GPLD1: variants seen among roughly 807,000 people sequenced by gnomAD.
GPLD1 encodes the protein glycosylphosphatidylinositol specific phospholipase D1, also known as phosphatidylinositol-glycan-specific phospholipase D.
Under a neutral mutation model 112.6 loss-of-function variants are expected in GPLD1, and 84 were observed. That is an observed-to-expected ratio of 0.75 (90% CI 0.63 to 0.89). The LOEUF is 0.89. Among genes scored for constraint, GPLD1 ranks in the 40% least tolerant of loss-of-function variants. The pLI is 0.00. For synonymous variants in GPLD1, 386 were observed against 403.8 expected (o/e 0.96, Z 0.53); for missense variants, 1,044 against 1,051.5 (o/e 0.99, Z 0.10).
At chr6:24,475,752 G>T (rs1462754074) in intron 4 of GPLD1, among the ~76,000 whole-genome samples, 1 of 151,394 alleles carries the variant, frequency 6.6e-6, no homozygotes, top group Non-Finnish European at 1.5e-5. Flanking sequence ...CAGTTACTTG[G>T]GAGGCTGAGG....
At chr6:24,468,458 G>A (rs143486823) in intron 7 of GPLD1, among the ~76,000 whole-genome samples, 772 of 152,282 alleles carry the variant, frequency 5.1e-3, no homozygotes, top group Middle Eastern at 0.02. Context: ...AATTCGGAAG[G>A]ATGTCTCATA....
At chr6:24,464,297 G>A (rs1240471170) in intron 10 of GPLD1, among the ~76,000 whole-genome samples, 1 of 152,134 alleles carries the variant, frequency 6.6e-6, no homozygotes, top group Non-Finnish European at 1.5e-5. Context: ...TAAGATTTTG[G>A]AAGGTTTAGC....
chr6:24,456,428 C>A (rs1763271277), intron 13 of GPLD1, 70 bp downstream of exon 13: 1 of 974,140 alleles, frequency 1.0e-6, no homozygotes, highest in South Asian at 1.6e-5. Flanking sequence ...AAATAAAAAA[C>A]AGTTGCAGAA....
At chr6:24,458,935 A>G (rs1763348263) in intron 12 of GPLD1, among the ~76,000 whole-genome samples, 1 of 152,210 alleles carries the variant, frequency 6.6e-6, no homozygotes, top group South Asian at 2.1e-4. Flanking sequence ...TTAAACCTAA[A>G]CTAGGCCCTT....
At chr6:24,477,000 G>C (rs1276942820) in intron 3 of GPLD1, among the ~76,000 whole-genome samples, 1 of 151,850 alleles carries the variant, frequency 6.6e-6, no homozygotes, top group Non-Finnish European at 1.5e-5. Flanking sequence ...AAAAATTGCC[G>C]AACCAGTTTT....
upstream of GPLD1, among the ~76,000 whole-genome samples, chr6:24,490,758 A>G (rs1227224481): frequency 6.6e-6 from 1 of 151,952 alleles, no homozygotes; most frequent in Non-Finnish European, 1.5e-5. Flanking sequence ...TCTCAAAAAA[A>G]AAAAAAGAAA....
chr6:24,445,129 G>A (rs889699997), intron 20 of GPLD1, among the ~76,000 whole-genome samples: 1 of 152,090 alleles, frequency 6.6e-6, no homozygotes, highest in Non-Finnish European at 1.5e-5. Context: ...CCAGATTCAA[G>A]CGATTCTCCT....
At chr6:24,494,834 G>A (rs1561865240) in intron 1 of GPLD1, 1 of 793,102 alleles carries the variant, frequency 1.3e-6, no homozygotes, top group Non-Finnish European at 1.7e-6. Context: ...AGAAAGACGC[G>A]GAGAGAGGGC....
rs571459012 is a variant in GPLD1, at chr6:24,447,565, G to A, written c.1678+312C>T. Among the ~76,000 whole-genome samples, 6 of 152,142 alleles carry A rather than the reference G, an allele frequency of 3.9e-5. No individual in the cohort carries two copies. The South Asian group carries it at 1.2e-3, about 32-fold the overall frequency. On this transcript the variant is annotated intron_variant, in intron 17 of 24. Coordinates refer to ENST00000230036, the MANE Select transcript of GPLD1 (RefSeq NM_001503.4). ...CAACAACAACAACAACAACAGCTAT[G>A]GACAGTCGAGAGCACCACTGAGATG...
At chr6:24,494,884 C>T in intron 1 of GPLD1, 1 of 1,167,230 alleles carries the variant, frequency 8.6e-7, no homozygotes, top group Non-Finnish European at 1.1e-6. Context: ...AGCTCCCACG[C>T]TTTCCCCGCG....
chr6:24,478,869 A>C (rs891687437), intron 3 of GPLD1, among the ~76,000 whole-genome samples: 5 of 151,994 alleles, frequency 3.3e-5, no homozygotes, highest in African/African-American at 7.3e-5. Context: ...GCTCCTCTCC[A>C]ATTACTCAGT....
At chr6:24,488,558 G>C (rs1207394737) in intron 1 of GPLD1, among the ~76,000 whole-genome samples, 1 of 152,074 alleles carries the variant, frequency 6.6e-6, no homozygotes, top group Non-Finnish European at 1.5e-5. Context: ...CTTCATACAA[G>C]AACCAAATCC....
chr6:24,481,149 CA>C (rs1764189577), intron 2 of GPLD1, among the ~76,000 whole-genome samples: 1 of 152,150 alleles, frequency 6.6e-6, no homozygotes, highest in African/African-American at 2.4e-5. Context: ...CAGTTCTGTG[CA>C]TTATTTTGGG....
At chr6:24,453,989 A>C (rs1353698512) in intron 14 of GPLD1, 26 bp downstream of exon 14, 10 of 1,496,550 alleles carry the variant, frequency 6.7e-6, no homozygotes, top group Non-Finnish European at 9.2e-6. Context: ...AACCACTAGA[A>C]GAGAAAGGAT....
chr6:24,471,557 A>G (rs908934602), intron 7 of GPLD1, among the ~76,000 whole-genome samples: 26 of 152,332 alleles, frequency 1.7e-4, no homozygotes, highest in South Asian at 1.7e-3. Flanking sequence ...ATTCTGGGAC[A>G]ATCCATTATC....
intron 14 of GPLD1, among the ~76,000 whole-genome samples, chr6:24,452,270 GA>G (rs1763116287): frequency 6.6e-6 from 1 of 152,290 alleles, no homozygotes; most frequent in Admixed American, 6.5e-5. Flanking sequence ...GTCTGTCGGG[GA>G]AAGGCTTTGT....
intron 18 of GPLD1, among the ~76,000 whole-genome samples, chr6:24,446,299 G>C (rs375143071): frequency 6.6e-6 from 1 of 151,666 alleles, no homozygotes; most frequent in African/African-American, 2.4e-5. Flanking sequence ...AGTTTGAGAC[G>C]AGCCTGGGCA....
Position 24,426,454 on chromosome 6 carries a change from T to C in GPLD1, c.*2578A>G, listed in dbSNP as rs1297208395. 7.0e-6 allele frequency among the ~76,000 whole-genome samples: 1 copy of C among 143,280 alleles called. No homozygotes were observed. The highest frequency in any genetic ancestry group is 7.1e-5 in the Admixed American group (1 of 14,014). 94.0% of individuals were successfully genotyped at this position (143,280 alleles called of 152,430 possible). A position where few individuals can be genotyped will look rare whatever the true frequency, so the allele number is the denominator to read the frequency against. ...ACATTGTTTTTGACATTGGGGTTAG[T>C]ATGGTTAAATGTCCTATAAACTTGA... On this transcript the variant is annotated 3_prime_UTR_variant, in exon 25 of 25. Coordinates refer to ENST00000230036, the MANE Select transcript of GPLD1 (RefSeq NM_001503.4).
intron 3 of GPLD1, among the ~76,000 whole-genome samples, chr6:24,476,555 T>C (rs897233985): frequency 2.6e-5 from 4 of 152,192 alleles, no homozygotes; most frequent in Non-Finnish European, 5.9e-5. Context: ...CCCGGCTACC[T>C]GGTTAGAATA....
Sources: gnomAD v4.1 joint callset for allele counts (sites outside exome capture counted in the v4.1 genomes callset) on GRCh38, gnomAD v4.1.1 for gene constraint, MANE v1.5 for transcripts, NCBI Gene and HGNC (gene_info 2026-07-23, HGNC 2026-07-21) for gene names.